XRN2: variants seen among roughly 807,000 people sequenced by gnomAD.
XRN2 encodes 5'-3' exoribonuclease 2.
Under a neutral mutation model 138.5 loss-of-function variants are expected in XRN2, and 44 were observed. The ratio of observed to expected loss-of-function variants is 0.32; its 90% CI spans 0.25 to 0.41. The LOEUF is 0.41. Among genes scored for constraint, XRN2 ranks in the 10% least tolerant of loss-of-function variants. The pLI is 1.00. For missense variants in XRN2, 937 were observed against 1,169.3 expected, an observed-to-expected ratio of 0.80 and a Z score of 2.90; for synonymous variants, 354 against 369.4, an observed-to-expected ratio of 0.96 and a Z score of 0.48.
intron 9 of XRN2, among the ~76,000 whole-genome samples, 175 bp downstream of exon 9, chr20:21,332,615 T>C (rs925562941): frequency 1.3e-5 from 2 of 152,240 alleles, no homozygotes; most frequent in Admixed American, 1.3e-4. Flanking sequence ...TGATTAGTTC[T>C]TTATGTGCTT....
At chr20:21,309,838 A>G (rs1224523080) in intron 1 of XRN2, among the ~76,000 whole-genome samples, 6 of 151,998 alleles carry the variant, frequency 3.9e-5, no homozygotes, top group Non-Finnish European at 5.9e-5. Flanking sequence ...CATTCCTGAT[A>G]CTTGTAATTC....
chr20:21,385,507 A>G (rs2038928481), intron 28 of XRN2, among the ~76,000 whole-genome samples: 1 of 152,216 alleles, frequency 6.6e-6, no homozygotes, highest in Admixed American at 6.5e-5. Context: ...ATAAAAACTT[A>G]TTTTTAATTG....
chr20:21,365,355 C>T lies in XRN2; in HGVS notation c.2256-66C>T. On this transcript the variant is annotated intron_variant, in intron 24 of 29. Coordinates refer to ENST00000377191, the MANE Select transcript of XRN2 (RefSeq NM_012255.5). The stretch of plus-strand genomic sequence containing the variant: ...GAGAGGACTTAAACATGAAAAATAC[C>T]TCAGTCTACATGATAAGACAGGCTG... The T allele has an allele frequency of 2.0e-6, 3 of 1,482,600 alleles. 1 individual carries two copies. Among genetic ancestry groups the T allele is most frequent in the Admixed American group, 2.0e-5 (1 of 50,652 alleles). 91.8% of individuals were successfully genotyped at this position (1,482,600 alleles called of 1,614,324 possible).
At chr20:21,339,990 A>G (rs546594426) in intron 14 of XRN2, among the ~76,000 whole-genome samples, 2 of 152,262 alleles carry the variant, frequency 1.3e-5, no homozygotes, top group South Asian at 4.2e-4. Context: ...TGGGAGGGGC[A>G]TATTTGGTTT....
intron 27 of XRN2, among the ~76,000 whole-genome samples, chr20:21,374,062 A>G (rs1262186383): frequency 1.3e-5 from 2 of 152,202 alleles, no homozygotes; most frequent in Non-Finnish European, 2.9e-5. Context: ...CAGGACAAAA[A>G]GAATTAATAC....
rs1002821213 is a variant in XRN2 at position 21,365,302 on chromosome 20, A to G, written c.2256-119A>G. The G allele has an allele frequency of 7.6e-6, 7 of 915,374 alleles. No homozygotes were observed. In the Admixed American group the frequency reaches 8.5e-5, roughly 11 times the overall value. 56.7% of individuals were successfully genotyped at this position (915,374 alleles called of 1,614,324 possible). On this transcript the variant is annotated intron_variant, in intron 24 of 29. Transcript: ENST00000377191. ...AGGAAGACATTTAGCCATTTGTCAA[A>G]CCCATTTATTAACTAAAATAATTTT...
chr20:21,336,153 A>G (rs1343843535), intron 13 of XRN2, among the ~76,000 whole-genome samples: 1 of 152,186 alleles, frequency 6.6e-6, no homozygotes, highest in African/African-American at 2.4e-5. Flanking sequence ...AATGATAGAA[A>G]AGGAATACAT....
rs370436740 is a variant in XRN2, at chr20:21,330,468, C to A, written c.428-13C>A. ...TTTTATGGGGAGAACAAAACGTTGCCTCTTTTCTCTAGGTGGCTTTCTTCC... is the reference window on the plus strand; with the variant it reads ...TTTTATGGGGAGAACAAAACGTTGCATCTTTTCTCTAGGTGGCTTTCTTCC... On this transcript the variant is annotated splice_polypyrimidine_tract_variant and intron_variant, in intron 4 of 29. Coordinates refer to ENST00000377191, the MANE Select transcript of XRN2 (RefSeq NM_012255.5). 3.8e-5 allele frequency: 61 copies of A among 1,612,616 alleles called. No individual in the cohort carries two copies. The highest frequency in any genetic ancestry group is 4.8e-5 in the Non-Finnish European group (57 of 1,179,752).
chr20:21,353,223 G>GATATATATAT (rs869071652), intron 20 of XRN2, among the ~76,000 whole-genome samples: 44 of 113,802 alleles, frequency 3.9e-4, no homozygotes, highest in African/African-American at 1.5e-3. Context: ...TAGTGGGTAG[G>GATATATATAT]ATATATATAT....
chr20:21,354,876 A>G lies in XRN2; in HGVS notation c.2020+4A>G. The G allele has an allele frequency of 6.2e-7, 1 of 1,611,254 alleles. No individual in the cohort carries two copies. On this transcript the variant is annotated splice_donor_region_variant and intron_variant, in intron 21 of 29. Coordinates refer to ENST00000377191, the MANE Select transcript of XRN2 (RefSeq NM_012255.5). ...CCAGACCTCACTCCAGAAGAGAGTA[A>G]GAATTATACTTCTTAGTTAACATTG...
At chr20:21,329,856 GGTGTGTGTGTGTGTGTGTGTGTGT>G (rs60020864) in intron 4 of XRN2, among the ~76,000 whole-genome samples, 15 of 146,010 alleles carry the variant, frequency 1.0e-4, no homozygotes, top group Admixed American at 7.5e-4. Flanking sequence ...GCCTCTAACT[GGTGTGTGTGTGTGTGTGTGTGTGT>G]GTGTGTGTGT....
intron 1 of XRN2, among the ~76,000 whole-genome samples, chr20:21,322,183 T>A (rs1388600005): frequency 6.6e-6 from 1 of 152,176 alleles, no homozygotes; most frequent in African/African-American, 2.4e-5. Context: ...CTTGTAACAG[T>A]GCTTATCACG....
chr20:21,345,101 A>C (rs1199363900), intron 16 of XRN2, among the ~76,000 whole-genome samples: 2 of 152,192 alleles, frequency 1.3e-5, no homozygotes, highest in East Asian at 3.8e-4. Context: ...TTGTGATTGA[A>C]CATTTACTCT....
intron 4 of XRN2, among the ~76,000 whole-genome samples, chr20:21,330,225 A>C (rs1248992100): frequency 2.0e-5 from 3 of 152,176 alleles, no homozygotes; most frequent in Non-Finnish European, 4.4e-5. Context: ...CGGAGGTTGC[A>C]GTGAGCCGAG....
intron 15 of XRN2, among the ~76,000 whole-genome samples, chr20:21,343,363 G>C (rs2038396385): frequency 6.6e-6 from 1 of 151,886 alleles, no homozygotes; most frequent in African/African-American, 2.4e-5. Flanking sequence ...TAGGTACAAA[G>C]GGAAGATAAT....
chr20:21,321,920 GTAGTACCTGATA>G, intron 1 of XRN2, among the ~76,000 whole-genome samples: 1 of 152,270 alleles, frequency 6.6e-6, no homozygotes, highest in African/African-American at 2.4e-5. Flanking sequence ...TGTATCCTCT[GTAGTACCTGATA>G]TAGACCTTGG....
intron 1 of XRN2, among the ~76,000 whole-genome samples, chr20:21,325,646 C>T (rs562938053): frequency 1.3e-5 from 2 of 152,106 alleles, no homozygotes; most frequent in African/African-American, 4.8e-5. Context: ...CAGGAACTTA[C>T]AAGAGAGTGA....
At chr20:21,333,874 T>C (rs1355033645) in intron 11 of XRN2, 37 bp downstream of exon 11, 19 of 1,614,032 alleles carry the variant, frequency 1.2e-5, no homozygotes, top group Non-Finnish European at 1.6e-5. Context: ...ACGACTGTTT[T>C]AGGCTTCTTG....
chr20:21,340,766 G>A lies in XRN2; in HGVS notation c.1324G>A (p.Ala442Thr), dbSNP rs778441866. Residue 442 changes from alanine (A) to threonine (T), a missense_variant, in exon 15 of 30, where the codon GCC (alanine) becomes ACC (threonine). This residue lies in a region of XRN2 where 471 missense variants were observed against 581.2 expected (regional missense o/e 0.81). Transcript: ENST00000377191. ...TCCTAGTGGAATATTAACTCCTCATGCCTTGGGTTCAAGAAATTCACCAGG... is the reference window on the plus strand; with the variant it reads ...TCCTAGTGGAATATTAACTCCTCATACCTTGGGTTCAAGAAATTCACCAGG... ...FTPSGILTPH[A>T]LGSRNSPGSQ... is the part of the protein sequence containing the mutation. 1 of 1,613,930 alleles carries A rather than the reference G, an allele frequency of 6.2e-7. No individual in the cohort carries two copies. Among genetic ancestry groups the A allele is most frequent in the South Asian group, 1.1e-5 (1 of 91,074 alleles).
Sources: allele counts gnomAD v4.1 joint callset (sites outside exome capture counted in the v4.1 genomes callset), GRCh38; gene constraint gnomAD v4.1.1; regional missense constraint gnomAD v4.1.1; transcripts MANE v1.5; gene names NCBI Gene and HGNC (gene_info 2026-07-23, HGNC 2026-07-21).